The following FAM135A variants were observed in gnomAD, a reference collection of about 807,000 sequenced individuals.
FAM135A encodes family with sequence similarity 135 member A.
In FAM135A, 79 loss-of-function variants were observed where a neutral mutation model predicts 146.8. That is an observed-to-expected ratio of 0.54 (90% CI 0.45 to 0.65). The LOEUF (loss-of-function observed/expected upper bound fraction) is 0.65. FAM135A is among the 30% of genes least tolerant of loss of function. The pLI is 0.00. For missense variants in FAM135A, 1,623 were observed against 1,758.2 expected (o/e 0.92, Z 1.38); for synonymous variants, 562 against 603.6 (o/e 0.93, Z 1.01).
At chr6:70,441,136 G>A (rs111517762) in intron 4 of FAM135A, among the ~76,000 whole-genome samples, 1 of 152,094 alleles carries the variant, frequency 6.6e-6, no homozygotes, top group Non-Finnish European at 1.5e-5. Context: ...GCTCACGTCT[G>A]TTACCCCAGC....
intron 11 of FAM135A, among the ~76,000 whole-genome samples, 188 bp downstream of exon 11, chr6:70,491,271 AC>A (rs143354519): frequency 0.019 from 2,871 of 151,962 alleles, 95 homozygotes; most frequent in African/African-American, 0.065. Flanking sequence ...AAGTTAACTT[AC>A]CTTTTAAAAA....
chr6:70,457,930 G>A (rs1778679394), intron 5 of FAM135A, among the ~76,000 whole-genome samples: 1 of 151,890 alleles, frequency 6.6e-6, no homozygotes, highest in Non-Finnish European at 1.5e-5. Flanking sequence ...TAAGTTTCTA[G>A]GTTCTGATAC....
chr6:70,492,845 G>A (rs937191948), intron 11 of FAM135A, among the ~76,000 whole-genome samples: 4 of 151,982 alleles, frequency 2.6e-5, no homozygotes, highest in African/African-American at 9.7e-5. Context: ...TTTTGTAAGA[G>A]TGTAGTGAAA....
At chr6:70,486,586 T>C (rs1554285960) in intron 10 of FAM135A, among the ~76,000 whole-genome samples, 1 of 152,192 alleles carries the variant, frequency 6.6e-6, no homozygotes, top group Non-Finnish European at 1.5e-5. Flanking sequence ...TTAAATTTGC[T>C]CAGTTATTTT....
At chr6:70,466,232 C>T (rs886335862) in intron 5 of FAM135A, among the ~76,000 whole-genome samples, 1 of 151,966 alleles carries the variant, frequency 6.6e-6, no homozygotes, top group Non-Finnish European at 1.5e-5. Flanking sequence ...AAATGAACAC[C>T]CAGGTACCCA....
At chr6:70,416,518 A>T (rs1277464913) in intron 2 of FAM135A, among the ~76,000 whole-genome samples, 1 of 152,208 alleles carries the variant, frequency 6.6e-6, no homozygotes, top group East Asian at 1.9e-4. Context: ...AAGTGCTTTA[A>T]CATTGAGTTT....
intron 2 of FAM135A, among the ~76,000 whole-genome samples, chr6:70,425,617 A>AT (rs1294140035): frequency 6.6e-5 from 10 of 152,298 alleles, no homozygotes. Context: ...CAAAAGATAG[A>AT]TTTTTTTAAA....
Position 70,536,357 on chromosome 6 carries a change from C to G in FAM135A, c.4063C>G (p.Leu1355Val). The G allele has an allele frequency of 6.2e-7, 1 of 1,613,454 alleles. No individual in the cohort carries two copies. Among genetic ancestry groups the G allele is most frequent in the Non-Finnish European group, 8.5e-7 (1 of 1,179,708 alleles). ...YLNKLHTFLS[L>V]SGPHLGTLYN... ...CAACAAACTTCATACCTTTCTGTCT[C>G]TTTCTGGACCTCACCTTGGTACACT... Residue 1355 changes from leucine (L) to valine (V), a missense_variant, in exon 19 of 22, where the codon CTT becomes GTT. Leu to Val is a conservative substitution (Grantham distance 32). Coordinates refer to ENST00000418814, the MANE Select transcript of FAM135A (RefSeq NM_001162529.3).
intron 20 of FAM135A, among the ~76,000 whole-genome samples, chr6:70,556,226 G>A (rs552392629): frequency 1.3e-5 from 2 of 152,058 alleles, no homozygotes; most frequent in South Asian, 4.1e-4. Context: ...TCCAGCCTGG[G>A]CAACAAAGTG....
intron 12 of FAM135A, among the ~76,000 whole-genome samples, chr6:70,506,111 A>G (rs971674249): frequency 1.3e-5 from 2 of 152,194 alleles, no homozygotes; most frequent in South Asian, 2.1e-4. Context: ...TTGAACAACA[A>G]TGAATTGTGG....
chr6:70,437,718 G>A (rs932013605), intron 4 of FAM135A, among the ~76,000 whole-genome samples: 27 of 151,972 alleles, frequency 1.8e-4, no homozygotes, highest in Non-Finnish European at 3.7e-4. Context: ...TTTAGAACTC[G>A]GAATTAGGGA....
intron 4 of FAM135A, among the ~76,000 whole-genome samples, chr6:70,437,753 C>T (rs747800011): frequency 6.6e-6 from 1 of 151,924 alleles, no homozygotes; most frequent in Non-Finnish European, 1.5e-5. Context: ...GGCTTTGAAA[C>T]TTGTTAAAGT....
chr6:70,521,471 A>G (rs1793565111), intron 12 of FAM135A, among the ~76,000 whole-genome samples: 1 of 152,178 alleles, frequency 6.6e-6, no homozygotes, highest in East Asian at 1.9e-4. Flanking sequence ...CTTCTCATTG[A>G]TATCTTCTTT....
At chr6:70,493,328 G>C (rs1210121213) in intron 11 of FAM135A, among the ~76,000 whole-genome samples, 2 of 151,988 alleles carry the variant, frequency 1.3e-5, no homozygotes, top group Non-Finnish European at 2.9e-5. Flanking sequence ...GCTTTTAACA[G>C]TAATACAGAA....
chr6:70,481,985 T>C lies in FAM135A; in HGVS notation c.670-16T>C, dbSNP rs1418216291. ...TATTACTGACACTCTGTATCCTACA[T>C]CTGTTTTTTGTTTAGGGTTGTAGCT... On this transcript the variant is annotated splice_polypyrimidine_tract_variant and intron_variant, in intron 9 of 21. Coordinates refer to ENST00000418814, the MANE Select transcript of FAM135A (RefSeq NM_001162529.3). The C allele has an allele frequency of 6.2e-7, 1 of 1,607,606 alleles. No individual in the cohort carries two copies. The highest frequency in any genetic ancestry group is 1.1e-5 in the South Asian group (1 of 89,856).
At chr6:70,509,760 G>A (rs1324184664) in intron 12 of FAM135A, among the ~76,000 whole-genome samples, 1 of 152,106 alleles carries the variant, frequency 6.6e-6, no homozygotes, top group Non-Finnish European at 1.5e-5. Flanking sequence ...AGCCAAAGTT[G>A]CATATCTTGT....
At chr6:70,521,142 T>A (rs1216522150) in intron 12 of FAM135A, among the ~76,000 whole-genome samples, 3 of 152,206 alleles carry the variant, frequency 2.0e-5, no homozygotes, top group African/African-American at 7.2e-5. Flanking sequence ...AGTTTTTATG[T>A]GGTTTAAGTC....
chr6:70,460,810 G>T lies in FAM135A; in HGVS notation c.157+8239G>T, dbSNP rs77499591. Among the ~76,000 whole-genome samples the T allele has an allele frequency of 9.4e-3, 1,425 of 150,820 alleles. 5 individuals carry two copies. Among genetic ancestry groups the T allele is most frequent in the Non-Finnish European group, 0.013 (894 of 67,592 alleles). ...ATCGATCTATCTATCTATCTATCTA[G>T]ATATCTATTAGATTTACCTAGATAG... On this transcript the variant is annotated intron_variant, in intron 5 of 21. Transcript: ENST00000418814.
chr6:70,478,680 AG>A (rs1783088250), intron 8 of FAM135A, among the ~76,000 whole-genome samples: 1 of 146,580 alleles, frequency 6.8e-6, no homozygotes, highest in South Asian at 2.1e-4. Context: ...GCACCAGGCC[AG>A]GAAGACATAT....
Sources: allele counts gnomAD v4.1 joint callset (sites outside exome capture counted in the v4.1 genomes callset), GRCh38; gene constraint gnomAD v4.1.1; transcripts MANE v1.5; gene names NCBI Gene and HGNC (gene_info 2026-07-23, HGNC 2026-07-21).